Variants in SMYD3 observed in about 807,000 individuals in gnomAD.
SMYD3 encodes SET and MYND domain containing 3.
Under a neutral mutation model 57.7 loss-of-function variants are expected in SMYD3, and 36 were observed. The observed-to-expected ratio is 0.62, with a 90% CI of 0.48 to 0.82. The LOEUF (loss-of-function observed/expected upper bound fraction) is 0.82, where lower values mean the gene tolerates loss of function less well. Among genes scored for constraint, SMYD3 ranks in the 40% least tolerant of loss-of-function variants. SMYD3 has a pLI of 0.00. For missense variants in SMYD3, 515 were observed against 538.8 expected, an observed-to-expected ratio of 0.96 and a Z score of 0.44; for synonymous variants, 211 against 195.0, an observed-to-expected ratio of 1.08 and a Z score of -0.68.
chr1:246,221,772 T>C (rs1355464609), intron 5 of SMYD3, among the ~76,000 whole-genome samples: 1 of 152,104 alleles, frequency 6.6e-6, no homozygotes, highest in Non-Finnish European at 1.5e-5. Context: ...CATGCCTGAC[T>C]CCAGACTCCC....
intron 10 of SMYD3, among the ~76,000 whole-genome samples, chr1:245,798,447 A>C (rs923838253): frequency 4.7e-3 from 24 of 5,150 alleles, no homozygotes; most frequent in African/African-American, 0.01. Context: ...CACACACATA[A>C]AAATATGCAC....
rs369697643 is a variant in SMYD3 at position 245,779,165 on chromosome 1, GAAAAAAAA to G, written c.1077-15024_1077-15017del. Among the ~76,000 whole-genome samples, 4 of 126,554 alleles carry G rather than the reference GAAAAAAAA, an allele frequency of 3.2e-5. No homozygotes were observed. In the Admixed American group the frequency reaches 3.2e-4, roughly 10 times the overall value. 83.0% of individuals were successfully genotyped at this position (126,554 alleles called of 152,430 possible). ...ACAGAGTGAGACACTGTCCCAAGGG[GAAAAAAAA>G]AAAAAAAAGAAAAAGAAAAAGAAAA... is the stretch of plus-strand genomic sequence containing the variant. On this transcript the variant is annotated intron_variant, in intron 10 of 11. Coordinates refer to ENST00000490107, the MANE Select transcript of SMYD3 (RefSeq NM_001167740.2).
intron 10 of SMYD3, among the ~76,000 whole-genome samples, chr1:245,853,143 C>A (rs376406554): frequency 6.6e-6 from 1 of 152,138 alleles, no homozygotes; most frequent in Non-Finnish European, 1.5e-5. Flanking sequence ...AAACAACATA[C>A]GTGGAAAGAA....
intron 5 of SMYD3, among the ~76,000 whole-genome samples, chr1:246,124,830 C>G (rs1342749888): frequency 6.6e-6 from 1 of 152,010 alleles, no homozygotes; most frequent in Non-Finnish European, 1.5e-5. Flanking sequence ...ATAGAGTGAT[C>G]TTTTCTACTT....
intron 7 of SMYD3, among the ~76,000 whole-genome samples, chr1:245,925,273 C>A (rs1010193920): frequency 6.6e-6 from 1 of 152,096 alleles, no homozygotes; most frequent in Admixed American, 6.6e-5. Context: ...TACCTGCATA[C>A]GATGTGTAAT....
At chr1:245,907,456 A>G (rs963698974) in intron 8 of SMYD3, among the ~76,000 whole-genome samples, 1 of 152,070 alleles carries the variant, frequency 6.6e-6, no homozygotes, top group Non-Finnish European at 1.5e-5. Flanking sequence ...GACTAGCTCT[A>G]AAAAAAATTC....
chr1:246,254,500 T>C (rs1241044770), intron 5 of SMYD3, among the ~76,000 whole-genome samples: 2 of 152,234 alleles, frequency 1.3e-5, no homozygotes, highest in Non-Finnish European at 2.9e-5. Context: ...TCTATGTGTC[T>C]GTTTTTGTAC....
chr1:246,231,272 T>C (rs2063404914), intron 5 of SMYD3, among the ~76,000 whole-genome samples: 1 of 152,188 alleles, frequency 6.6e-6, no homozygotes, highest in Non-Finnish European at 1.5e-5. Flanking sequence ...TTTTCTGATA[T>C]AGCTGTGGAT....
At chr1:245,929,806 G>A in intron 6 of SMYD3, 64 bp downstream of exon 6, 2 of 1,340,140 alleles carry the variant, frequency 1.5e-6, no homozygotes, top group South Asian at 2.3e-5. Context: ...TACCTCCAAA[G>A]GGCTGGGGAT....
chr1:245,853,413 G>T (rs2051075834), intron 10 of SMYD3, among the ~76,000 whole-genome samples: 1 of 152,226 alleles, frequency 6.6e-6, no homozygotes, highest in African/African-American at 2.4e-5. Flanking sequence ...CAAGCGCTGG[G>T]TATGTGACGG....
chr1:246,181,921 T>G (rs1332425816), intron 5 of SMYD3, among the ~76,000 whole-genome samples: 5 of 152,212 alleles, frequency 3.3e-5, no homozygotes, highest in Admixed American at 6.5e-5. Context: ...TGTACCTACA[T>G]TTCCCCAATG....
intron 1 of SMYD3, among the ~76,000 whole-genome samples, chr1:246,488,842 C>T (rs375705894): frequency 3.7e-4 from 57 of 152,296 alleles, no homozygotes; most frequent in Middle Eastern, 3.4e-3. Flanking sequence ...AAAAGGAATG[C>T]GTCTCCATCC....
intron 5 of SMYD3, among the ~76,000 whole-genome samples, chr1:246,255,927 AAGATAGATAGAT>A (rs55974041): frequency 0.016 from 1,965 of 121,254 alleles, 24 homozygotes; most frequent in East Asian, 0.03. Context: ...CATAACTAAT[AAGATAGATAGAT>A]AGATAGATAG....
chr1:245,774,826 G>A lies in SMYD3; in HGVS notation c.1077-10677C>T, dbSNP rs534985076. Among the ~76,000 whole-genome samples, 384 of 152,164 alleles carry A rather than the reference G, an allele frequency of 2.5e-3. 1 individual carries two copies. The highest frequency in any genetic ancestry group is 4.2e-3 in the South Asian group (20 of 4,810). On this transcript the variant is annotated intron_variant, in intron 10 of 11. Coordinates refer to ENST00000490107, the MANE Select transcript of SMYD3 (RefSeq NM_001167740.2). ...CCTGATTCTCCTGCCTCAGCCTGCC[G>A]AGTGCCTGCGATTGCAGGGGTGCAC...
chr1:246,051,665 GAA>G (rs905323821), intron 5 of SMYD3, among the ~76,000 whole-genome samples: 131 of 148,158 alleles, frequency 8.8e-4, no homozygotes, highest in African/African-American at 3.1e-3. Flanking sequence ...AAAAAAAAAA[GAA>G]AAATGTAATT....
intron 5 of SMYD3, among the ~76,000 whole-genome samples, chr1:246,218,876 A>C (rs2063208483): frequency 6.6e-6 from 1 of 152,192 alleles, no homozygotes; most frequent in African/African-American, 2.4e-5. Context: ...TATCATAGCA[A>C]GACAATCACA....
chr1:246,284,420 CT>C (rs11354241), intron 5 of SMYD3, among the ~76,000 whole-genome samples: 62,175 of 141,228 alleles, frequency 0.44, 13,576 homozygotes, highest in East Asian at 0.8. Flanking sequence ...TTTTCTTTTT[CT>C]TTTTTTTTTT....
At chr1:246,041,123 T>C (rs1256654177) in intron 5 of SMYD3, among the ~76,000 whole-genome samples, 1 of 152,218 alleles carries the variant, frequency 6.6e-6, no homozygotes, top group Non-Finnish European at 1.5e-5. Context: ...TAACATGCTG[T>C]TCGGGTTTAT....
At chr1:245,800,897 C>A (rs911470346) in intron 10 of SMYD3, among the ~76,000 whole-genome samples, 2 of 152,142 alleles carry the variant, frequency 1.3e-5, no homozygotes, top group African/African-American at 2.4e-5. Context: ...AAACTAATAG[C>A]AGGGCATACT....
Sources: allele counts gnomAD v4.1 joint callset (sites outside exome capture counted in the v4.1 genomes callset), GRCh38; gene constraint gnomAD v4.1.1; transcripts MANE v1.5; gene names NCBI Gene and HGNC (gene_info 2026-07-23, HGNC 2026-07-21).